The following PPP3R1 variants were observed in gnomAD, a reference collection of about 807,000 sequenced individuals.
The protein encoded by PPP3R1 is calcineurin subunit B type 1.
Under a neutral mutation model 22.6 loss-of-function variants are expected in PPP3R1, and 5 were observed. The observed-to-expected ratio is 0.22, with a 90% CI of 0.12 to 0.46. The LOEUF is 0.46. Among genes scored for constraint, PPP3R1 ranks in the 20% least tolerant of loss-of-function variants. PPP3R1 has a pLI of 0.99. For missense variants in PPP3R1, 61 were observed against 203.2 expected, an observed-to-expected ratio of 0.30 and a Z score of 4.25; for synonymous variants, 56 against 65.2, an observed-to-expected ratio of 0.86 and a Z score of 0.68.
chr2:68,201,737 C>T (rs1027439829), intron 2 of PPP3R1, among the ~76,000 whole-genome samples: 5 of 152,150 alleles, frequency 3.3e-5, no homozygotes, highest in Non-Finnish European at 5.9e-5. Flanking sequence ...TTTGTTCTCA[C>T]ATTTGAGTGA....
At chr2:68,219,888 C>G (rs1224306156) in intron 1 of PPP3R1, among the ~76,000 whole-genome samples, 3 of 152,174 alleles carry the variant, frequency 2.0e-5, no homozygotes, top group Admixed American at 1.3e-4. Flanking sequence ...CTGACAAGAT[C>G]ACTTGTTGAT....
chr2:68,187,389 C>T lies in PPP3R1; in HGVS notation c.221-75G>A. The T allele has an allele frequency of 3.2e-6, 4 of 1,244,336 alleles. No individual in the cohort carries two copies. The South Asian group carries it at 5.3e-5, about 16-fold the overall frequency. The allele number at this position is 1,244,336 out of a possible 1,614,324, so 77.1% of individuals were successfully genotyped here. On this transcript the variant is annotated intron_variant, in intron 3 of 5. Coordinates refer to ENST00000234310, the MANE Select transcript of PPP3R1 (RefSeq NM_000945.4). ...ACAAAAAACATATTTACCTTACATA[C>T]CCACAAAAGGATATTTCCTTGCTGC... is the stretch of plus-strand genomic sequence containing the variant.
chr2:68,232,586 T>C (rs1481132171), intron 1 of PPP3R1, among the ~76,000 whole-genome samples: 1 of 152,042 alleles, frequency 6.6e-6, no homozygotes, highest in African/African-American at 2.4e-5. Context: ...CCTAATATTC[T>C]ATTACAGTGT....
At chr2:68,191,779 T>A (rs1174618879) in intron 2 of PPP3R1, among the ~76,000 whole-genome samples, 1 of 152,224 alleles carries the variant, frequency 6.6e-6, no homozygotes, top group Non-Finnish European at 1.5e-5. Flanking sequence ...ACAAGCATTT[T>A]ATCCCTCTAT....
chr2:68,215,991 G>A (rs1025794610), intron 2 of PPP3R1, among the ~76,000 whole-genome samples: 21 of 152,078 alleles, frequency 1.4e-4, no homozygotes, highest in African/African-American at 4.8e-4. Flanking sequence ...TTGTTTTTTA[G>A]ACTTAATTCT....
At chr2:68,229,924 ATATG>A (rs1459632645) in intron 1 of PPP3R1, among the ~76,000 whole-genome samples, 1 of 150,236 alleles carries the variant, frequency 6.7e-6, no homozygotes, top group East Asian at 1.9e-4. Flanking sequence ...ATGTGTATAT[ATATG>A]TGTGTGTATG....
Position 68,221,683 on chromosome 2 carries a change from G to GA in PPP3R1, c.4-4553dup, listed in dbSNP as rs963308143. Among the ~76,000 whole-genome samples, 36 of 142,418 alleles carry GA rather than the reference G, an allele frequency of 2.5e-4. 1 individual carries two copies. The highest frequency in any genetic ancestry group is 7.7e-4 in the African/African-American group (30 of 38,930). 93.4% of individuals were successfully genotyped at this position (142,418 alleles called of 152,430 possible). On this transcript the variant is annotated intron_variant, in intron 1 of 5. Coordinates refer to ENST00000234310, the MANE Select transcript of PPP3R1 (RefSeq NM_000945.4). ...ATGAACTCTAAGTAGAAGAAACATGGAAAAAAAAAAGCCACATAATAAATT... is the reference window on the plus strand; with the variant it reads ...ATGAACTCTAAGTAGAAGAAACATGGAAAAAAAAAAAGCCACATAATAAATT...
intron 5 of PPP3R1, among the ~76,000 whole-genome samples, chr2:68,185,409 ATATAT>A (rs1045624967): frequency 1.9e-4 from 28 of 146,932 alleles, no homozygotes; most frequent in South Asian, 1.1e-3. Flanking sequence ...ATCTTCATTT[ATATAT>A]TATATTTATA....
intron 1 of PPP3R1, among the ~76,000 whole-genome samples, chr2:68,233,741 C>T (rs1241034666): frequency 6.6e-6 from 1 of 151,964 alleles, no homozygotes. Context: ...TTCTAAAATC[C>T]TTCAGATACC....
chr2:68,220,719 T>A (rs1669672782), intron 1 of PPP3R1, among the ~76,000 whole-genome samples: 1 of 152,160 alleles, frequency 6.6e-6, no homozygotes, highest in Non-Finnish European at 1.5e-5. Flanking sequence ...ATAAAATGGA[T>A]GAACTTCAAA....
At chr2:68,219,815 CAT>C (rs1669651210) in intron 1 of PPP3R1, among the ~76,000 whole-genome samples, 1 of 152,150 alleles carries the variant, frequency 6.6e-6, no homozygotes, top group Non-Finnish European at 1.5e-5. Context: ...CTAAAGCTAA[CAT>C]GTTTTAAGTT....
At chr2:68,227,610 T>C (rs1229026324) in intron 1 of PPP3R1, among the ~76,000 whole-genome samples, 2 of 151,964 alleles carry the variant, frequency 1.3e-5, no homozygotes, top group African/African-American at 2.4e-5. Flanking sequence ...ATTTCTAGTC[T>C]GATAAATGCT....
At chr2:68,252,053 C>G in intron 1 of PPP3R1, 72 bp downstream of exon 1, 1 of 1,324,602 alleles carries the variant, frequency 7.5e-7, no homozygotes, top group Non-Finnish European at 9.9e-7. Context: ...GGCGTCGGGG[C>G]TCGCCCCCGC....
chr2:68,197,007 G>A (rs1674791836), intron 2 of PPP3R1, among the ~76,000 whole-genome samples: 1 of 152,182 alleles, frequency 6.6e-6, no homozygotes, highest in Non-Finnish European at 1.5e-5. Flanking sequence ...TTACAGGTGT[G>A]AGGCACAACG....
At chr2:68,186,713 G>C in intron 4 of PPP3R1, 61 bp from the exon 5 acceptor site, 1 of 1,375,078 alleles carries the variant, frequency 7.3e-7, no homozygotes, top group Non-Finnish European at 1.0e-6. Flanking sequence ...AATGCTTTCA[G>C]TAAGAAAGAA....
At chr2:68,196,237 T>G (rs192620895) in intron 2 of PPP3R1, among the ~76,000 whole-genome samples, 1 of 152,264 alleles carries the variant, frequency 6.6e-6, no homozygotes, top group East Asian at 1.9e-4. Flanking sequence ...ACTTAAAAGC[T>G]TTACAGTTTT....
rs1461738670 is a variant in PPP3R1 at position 68,198,228 on chromosome 2, TATATGTATACACATATGTACATAC to T, written c.44-9562_44-9539del. 2.6e-3 allele frequency among the ~76,000 whole-genome samples: 310 copies of T among 117,428 alleles called. 1 individual carries two copies. The highest frequency in any genetic ancestry group is 0.016 in the Middle Eastern group (3 of 184). The allele number at this position is 117,428 out of a possible 152,430, so 77.0% of individuals were successfully genotyped here. ...TGTGCATACATATATACATTTTACA[TATATGTATACACATATGTACATAC>T]ATATGTATACATACATATGTGTATG... On this transcript the variant is annotated intron_variant, in intron 2 of 5. Transcript: ENST00000234310.
At chr2:68,181,613 A>AAAAAC (rs1674404982) in intron 5 of PPP3R1, among the ~76,000 whole-genome samples, 1 of 150,584 alleles carries the variant, frequency 6.6e-6, no homozygotes, top group Admixed American at 6.6e-5. Context: ...TTTTTTTCAA[A>AAAAAC]ACAACACTTC....
chr2:68,248,491 A>C (rs4671206), intron 1 of PPP3R1, among the ~76,000 whole-genome samples: 2 of 152,196 alleles, frequency 1.3e-5, no homozygotes, highest in Non-Finnish European at 2.9e-5. Context: ...CCTATTCTCT[A>C]AACAGTGGTT....
Sources: gnomAD v4.1 joint callset for allele counts (sites outside exome capture counted in the v4.1 genomes callset) on GRCh38, gnomAD v4.1.1 for gene constraint, MANE v1.5 for transcripts, NCBI Gene and HGNC (gene_info 2026-07-23, HGNC 2026-07-21) for gene names.